XRCC4: variants seen among roughly 807,000 people sequenced by gnomAD.
XRCC4 encodes DNA repair protein XRCC4.
In XRCC4, 28 loss-of-function variants were observed where a neutral mutation model predicts 39.1. That is an observed-to-expected ratio of 0.72 (90% CI 0.53 to 0.98). The LOEUF (loss-of-function observed/expected upper bound fraction) is 0.98. XRCC4 is among the 50% of genes least tolerant of loss of function. XRCC4 has a pLI of 0.00. For missense variants in XRCC4, 350 were observed against 376.4 expected (o/e 0.93, Z 0.58); for synonymous variants, 123 against 126.4 (o/e 0.97, Z 0.18).
At chr5:83,272,745 A>G (rs1056563534) in intron 7 of XRCC4, among the ~76,000 whole-genome samples, 2 of 152,166 alleles carry the variant, frequency 1.3e-5, no homozygotes, top group Non-Finnish European at 2.9e-5. Context: ...GTCCCTGCAA[A>G]TGGCATTAAC....
At chr5:83,327,329 A>G (rs1756295931) in intron 7 of XRCC4, among the ~76,000 whole-genome samples, 2 of 152,066 alleles carry the variant, frequency 1.3e-5, no homozygotes, top group Admixed American at 6.6e-5. Flanking sequence ...TTCATGTAGC[A>G]TAATGCCTTG....
chr5:83,239,383 A>C (rs1352486366), intron 6 of XRCC4, among the ~76,000 whole-genome samples: 1 of 152,256 alleles, frequency 6.6e-6, no homozygotes, highest in East Asian at 1.9e-4. Context: ...GCAGTGAAGA[A>C]AAAGAGGAAG....
At chr5:83,201,072 C>G (rs1751170061) in intron 4 of XRCC4, among the ~76,000 whole-genome samples, 1 of 151,940 alleles carries the variant, frequency 6.6e-6, no homozygotes. Context: ...TTTTTAAAAG[C>G]TGAAGATGAA....
chr5:83,117,329 A>G lies in XRCC4; in HGVS notation c.315+6126A>G, dbSNP rs143137241. ...AGAGATCATTTGTGTGCTTTGGGCC[A>G]CTGTTTTCCCTCTACCTTTAACAAT... On this transcript the variant is annotated intron_variant, in intron 3 of 7. Transcript: ENST00000396027. Among the ~76,000 whole-genome samples, 3 of 152,302 alleles carry G rather than the reference A, an allele frequency of 2.0e-5. No homozygotes were observed. The East Asian group carries it at 5.8e-4, about 29-fold the overall frequency.
chr5:83,183,107 AT>A (rs1176856761), intron 3 of XRCC4, among the ~76,000 whole-genome samples: 2 of 152,184 alleles, frequency 1.3e-5, no homozygotes, highest in Non-Finnish European at 2.9e-5. Flanking sequence ...TAGCACTGTT[AT>A]AAAAATCCAG....
chr5:83,106,881 A>G lies in XRCC4; in HGVS notation c.139+1823A>G, dbSNP rs1005125382. ...AAATATATAAAACTGGTCTGCGAAA[A>G]AAGAAAATAAATTGTTCATTTTAGA... On this transcript the variant is annotated intron_variant, in intron 2 of 7. Transcript: ENST00000396027. 2.0e-5 allele frequency among the ~76,000 whole-genome samples: 3 copies of G among 152,034 alleles called. No individual in the cohort carries two copies. In the South Asian group the frequency reaches 6.2e-4, roughly 31 times the overall value.
At chr5:83,148,431 T>C (rs1397349789) in intron 3 of XRCC4, among the ~76,000 whole-genome samples, 4 of 152,196 alleles carry the variant, frequency 2.6e-5, no homozygotes, top group Admixed American at 2.6e-4. Context: ...GTTTATGAAA[T>C]GAGGGGATGA....
At chr5:83,103,009 G>GATGTATATATATATATATATAT (rs1746012276) in intron 1 of XRCC4, among the ~76,000 whole-genome samples, 1 of 106,464 alleles carries the variant, frequency 9.4e-6, no homozygotes, top group African/African-American at 3.9e-5. Flanking sequence ...AGATAGAGCT[G>GATGTATATATATATATATATAT]ATATATATAT....
At chr5:83,216,396 CTGTT>C (rs1751859937) in intron 6 of XRCC4, among the ~76,000 whole-genome samples, 1 of 152,142 alleles carries the variant, frequency 6.6e-6, no homozygotes. Flanking sequence ...CTTTAGAAAA[CTGTT>C]TGGCAGTTCC....
intron 2 of XRCC4, among the ~76,000 whole-genome samples, chr5:83,108,635 A>G (rs1359257571): frequency 6.6e-6 from 1 of 151,800 alleles, no homozygotes; most frequent in East Asian, 1.9e-4. Flanking sequence ...ACTTTTAACT[A>G]GATGCTTTTT....
intron 6 of XRCC4, among the ~76,000 whole-genome samples, chr5:83,228,128 A>G (rs971482737): frequency 6.6e-6 from 1 of 152,110 alleles, no homozygotes. Context: ...TGTCTTAGGA[A>G]AGAAACTAGG....
intron 4 of XRCC4, among the ~76,000 whole-genome samples, chr5:83,200,990 C>T (rs928723110): frequency 2.6e-5 from 4 of 151,968 alleles, no homozygotes; most frequent in African/African-American, 9.7e-5. Context: ...TAACATCTTT[C>T]GTGTACTTCT....
chr5:83,179,504 C>G (rs969610932), intron 3 of XRCC4, among the ~76,000 whole-genome samples: 2 of 152,134 alleles, frequency 1.3e-5, no homozygotes, highest in Non-Finnish European at 2.9e-5. Context: ...CTGGGGTCAA[C>G]GTTGTAAACA....
chr5:83,274,115 CA>C lies in XRCC4; in HGVS notation c.893+15439del, dbSNP rs148481657. On this transcript the variant is annotated intron_variant, in intron 7 of 7. Transcript: ENST00000396027. ...GACATGACAATTATATTATGCCAGG[CA>C]CATGATAAGTGTTCAGTATTGGTAA... Among the ~76,000 whole-genome samples the C allele has an allele frequency of 3.6e-3, 555 of 152,242 alleles. 11 individuals carry two copies. In the East Asian group the frequency reaches 0.072, roughly 20 times the overall value.
At chr5:83,294,639 G>A (rs1357124209) in intron 7 of XRCC4, among the ~76,000 whole-genome samples, 2 of 151,974 alleles carry the variant, frequency 1.3e-5, no homozygotes, top group Non-Finnish European at 1.5e-5. Flanking sequence ...AATTAATTGA[G>A]AAGACTTCTG....
intron 7 of XRCC4, chr5:83,280,323 G>A: frequency 2.4e-6 from 1 of 408,762 alleles, no homozygotes; most frequent in South Asian, 3.3e-5. Context: ...TGAAATGCTT[G>A]TAATCCTCTA....
intron 3 of XRCC4, among the ~76,000 whole-genome samples, chr5:83,193,655 T>C (rs1750809804): frequency 6.6e-6 from 1 of 152,222 alleles, no homozygotes; most frequent in African/African-American, 2.4e-5. Flanking sequence ...CTGATTATTT[T>C]ATTTCAGGAT....
downstream of XRCC4, among the ~76,000 whole-genome samples, chr5:83,357,452 G>C (rs180919892): frequency 2.6e-4 from 39 of 152,252 alleles, no homozygotes; most frequent in Middle Eastern, 6.8e-3. Flanking sequence ...TGAGAAATCG[G>C]GGGGGTTGGA....
At chr5:83,247,992 T>C (rs537805719) in intron 6 of XRCC4, among the ~76,000 whole-genome samples, 1 of 152,266 alleles carries the variant, frequency 6.6e-6, no homozygotes, top group Admixed American at 6.5e-5. Flanking sequence ...TGCTAAGCTG[T>C]GTGGGCACAG....
Sources: allele counts gnomAD v4.1 joint callset (sites outside exome capture counted in the v4.1 genomes callset), GRCh38; gene constraint gnomAD v4.1.1; transcripts MANE v1.5; gene names NCBI Gene and HGNC (gene_info 2026-07-23, HGNC 2026-07-21).